Variants in KCNIP4 observed in about 807,000 individuals in gnomAD.
KCNIP4 encodes potassium voltage-gated channel interacting protein 4.
KCNIP4 carries 12 observed loss-of-function variants against 34.0 expected under a neutral mutation model. That is an observed-to-expected ratio of 0.35 (90% CI 0.23 to 0.57). KCNIP4 has a LOEUF of 0.57. Among genes scored for constraint, KCNIP4 ranks in the 20% least tolerant of loss-of-function variants. The pLI is 0.83. For missense variants in KCNIP4, 238 were observed against 311.7 expected, an observed-to-expected ratio of 0.76 and a Z score of 1.78; for synonymous variants, 124 against 102.2, an observed-to-expected ratio of 1.21 and a Z score of -1.29.
intron 1 of KCNIP4, among the ~76,000 whole-genome samples, chr4:21,100,234 A>C (rs1351806416): frequency 6.6e-6 from 1 of 152,124 alleles, no homozygotes; most frequent in Non-Finnish European, 1.5e-5. Flanking sequence ...GGGGAAACAA[A>C]TTTCACTGTG....
intron 5 of KCNIP4, among the ~76,000 whole-genome samples, chr4:20,737,944 C>G (rs968093403): frequency 6.6e-6 from 1 of 152,022 alleles, no homozygotes. Flanking sequence ...GCAGCCTGAG[C>G]AACGCAGCCA....
chr4:21,888,075 G>T (rs1726889529), intron 1 of KCNIP4, among the ~76,000 whole-genome samples: 1 of 152,118 alleles, frequency 6.6e-6, no homozygotes, highest in African/African-American at 2.4e-5. Context: ...TATGACTTAT[G>T]TATTATTAGG....
intron 1 of KCNIP4, among the ~76,000 whole-genome samples, chr4:21,874,677 CT>C (rs528529030): frequency 1.3e-5 from 2 of 152,170 alleles, no homozygotes; most frequent in Non-Finnish European, 2.9e-5. Context: ...TTTTGCTTCT[CT>C]TTTTTACCCA....
At chr4:20,801,698 A>G (rs1714254841) in intron 3 of KCNIP4, among the ~76,000 whole-genome samples, 1 of 152,116 alleles carries the variant, frequency 6.6e-6, no homozygotes, top group Admixed American at 6.5e-5. Flanking sequence ...TACAAACAAT[A>G]AAAAGAAAGG....
chr4:21,846,398 G>T (rs1724016369), intron 1 of KCNIP4: 1 of 152,082 alleles, frequency 6.6e-6, no homozygotes, highest in Non-Finnish European at 1.5e-5. Flanking sequence ...ACAGAGTACA[G>T]CTAGACTTCC....
Position 21,858,508 on chromosome 4 carries a change from T to G in KCNIP4, c.61+90063A>C, listed in dbSNP as rs537231896. Among the ~76,000 whole-genome samples, 13 of 152,362 alleles carry G rather than the reference T, an allele frequency of 8.5e-5. No individual in the cohort carries two copies. In the South Asian group the frequency reaches 2.3e-3, roughly 27 times the overall value. On this transcript the variant is annotated intron_variant, in intron 1 of 8. Coordinates refer to ENST00000382152, the MANE Select transcript of KCNIP4 (RefSeq NM_025221.6). ...CTCTAGTGGCCCAATTTCTGCCTCA[T>G]TTCATTCCCTAACTCTCCATGGAGT... is the stretch of plus-strand genomic sequence containing the variant.
In KCNIP4 at chr4:21,672,149, C is replaced by G. The variant is rs529344960; in HGVS notation, c.61+276422G>C. On this transcript the variant is annotated intron_variant, in intron 1 of 8. Transcript: ENST00000382152. ...GCCTGTCGGGAGGTGGAGAGCTAGG[C>G]GAGGAATAGCATTAAAAGAAACAAC... Among the ~76,000 whole-genome samples, 308 of 152,102 alleles carry G rather than the reference C, an allele frequency of 2.0e-3. 5 individuals carry two copies. The highest frequency in any genetic ancestry group is 7.1e-3 in the African/African-American group (293 of 41,482).
intron 1 of KCNIP4, among the ~76,000 whole-genome samples, chr4:20,887,500 A>G (rs1725438738): frequency 6.6e-6 from 1 of 151,912 alleles, no homozygotes; most frequent in Non-Finnish European, 1.5e-5. Flanking sequence ...AAATGAAAAG[A>G]GAAGAAAAGG....
At chr4:21,502,473 A>G (rs763465762) in intron 1 of KCNIP4, among the ~76,000 whole-genome samples, 14 of 152,154 alleles carry the variant, frequency 9.2e-5, no homozygotes, top group Non-Finnish European at 1.8e-4. Flanking sequence ...CCCTAAGAAT[A>G]TACAAATCCC....
chr4:21,691,697 T>C (rs1358305033), intron 1 of KCNIP4, among the ~76,000 whole-genome samples: 2 of 125,906 alleles, frequency 1.6e-5, no homozygotes, highest in Non-Finnish European at 1.6e-5. Flanking sequence ...AGCTCTTTTT[T>C]TTTTTTTTTT....
At chr4:20,881,348 C>A (rs10516367) in intron 2 of KCNIP4, among the ~76,000 whole-genome samples, 27,263 of 151,974 alleles carry the variant, frequency 0.18, 2,679 homozygotes, top group South Asian at 0.33. Context: ...CTAATTGAAT[C>A]CATGAGTTCC....
At chr4:21,555,315 T>C (rs1187278370) in intron 1 of KCNIP4, among the ~76,000 whole-genome samples, 1 of 152,128 alleles carries the variant, frequency 6.6e-6, no homozygotes, top group Non-Finnish European at 1.5e-5. Flanking sequence ...GCTGTATTTG[T>C]CATGCACATG....
chr4:21,917,807 A>G (rs1728722414), intron 1 of KCNIP4, among the ~76,000 whole-genome samples: 1 of 152,232 alleles, frequency 6.6e-6, no homozygotes. Flanking sequence ...GAAGGTTGCA[A>G]TTACAAGACG....
intron 1 of KCNIP4, among the ~76,000 whole-genome samples, chr4:21,322,462 C>T (rs1714601155): frequency 6.6e-6 from 1 of 152,158 alleles, no homozygotes; most frequent in Non-Finnish European, 1.5e-5. Context: ...TAACACATAA[C>T]AGTTACTGTA....
intron 1 of KCNIP4, among the ~76,000 whole-genome samples, chr4:20,961,505 A>C (rs1733846136): frequency 6.6e-6 from 1 of 152,232 alleles, no homozygotes; most frequent in Non-Finnish European, 1.5e-5. Flanking sequence ...AGGAAATGAA[A>C]AAGAGTGTGC....
At chr4:20,772,729 T>A (rs931740958) in intron 3 of KCNIP4, among the ~76,000 whole-genome samples, 1 of 151,768 alleles carries the variant, frequency 6.6e-6, no homozygotes. Flanking sequence ...GCAACCTCCA[T>A]CTCCTAGGTT....
chr4:21,714,851 T>C (rs368575481), intron 1 of KCNIP4, among the ~76,000 whole-genome samples: 1,240 of 2,380 alleles, frequency 0.52, 142 homozygotes, highest in African/African-American at 0.54. Flanking sequence ...TTTATTTTAT[T>C]TTATTTTATT....
At chr4:21,691,691 C>CTTTTTTTTTTTTTTTTTTTTTTTTT (rs36004947) in intron 1 of KCNIP4, among the ~76,000 whole-genome samples, 4 of 103,144 alleles carry the variant, frequency 3.9e-5, no homozygotes, top group Non-Finnish European at 1.9e-5. Flanking sequence ...AAACGCAGCT[C>CTTTTTTTTTTTTTTTTTTTTTTTTT]TTTTTTTTTT....
At chr4:21,334,764 G>T (rs149324385) in intron 1 of KCNIP4, among the ~76,000 whole-genome samples, 2 of 151,622 alleles carry the variant, frequency 1.3e-5, no homozygotes, top group Non-Finnish European at 2.9e-5. Flanking sequence ...GTATTATACA[G>T]TATGTGATCT....
Sources: allele counts gnomAD v4.1 joint callset (sites outside exome capture counted in the v4.1 genomes callset), GRCh38; gene constraint gnomAD v4.1.1; transcripts MANE v1.5; gene names NCBI Gene and HGNC (gene_info 2026-07-23, HGNC 2026-07-21).